NDST1: variants seen among roughly 807,000 people sequenced by gnomAD.
NDST1 encodes the protein N-deacetylase and N-sulfotransferase 1.
A neutral mutation model predicts 92.8 loss-of-function variants in NDST1; 35 were observed. That is an observed-to-expected ratio of 0.38 (90% CI 0.29 to 0.50). The LOEUF is 0.50. NDST1 is among the 20% of genes least tolerant of loss of function. The probability of loss-of-function intolerance (pLI) is 0.94; values close to 1 mark genes in which losing one functional copy is unlikely to be tolerated. For synonymous variants in NDST1, 493 were observed against 500.3 expected (o/e 0.99, Z 0.19); for missense variants, 822 against 1,182.7 (o/e 0.69, Z 4.47).
At chr5:150,533,153 T>G (rs1581386905) in intron 4 of NDST1, 121 bp downstream of exon 4, 4 of 963,252 alleles carry the variant, frequency 4.2e-6, no homozygotes, top group Non-Finnish European at 6.7e-6. Context: ...GAGGCAGAGG[T>G]GACCCCTCTG....
chr5:150,544,389 C>G (rs1215666016), intron 10 of NDST1, among the ~76,000 whole-genome samples: 1 of 152,138 alleles, frequency 6.6e-6, no homozygotes, highest in Non-Finnish European at 1.5e-5. Flanking sequence ...ATATTGTAAA[C>G]AAAGGATTGT....
chr5:150,543,370 C>T (rs1206385220), intron 10 of NDST1, among the ~76,000 whole-genome samples: 1 of 152,162 alleles, frequency 6.6e-6, no homozygotes, highest in Non-Finnish European at 1.5e-5. Flanking sequence ...CCTTCAGGGA[C>T]AGGTCGCTGG....
Position 150,528,021 on chromosome 5 carries a change from G to T in NDST1, c.731G>T (p.Arg244Leu), listed in dbSNP as rs545657188. 3.1e-6 allele frequency: 5 copies of T among 1,613,538 alleles called. No individual in the cohort carries two copies. Among genetic ancestry groups the T allele is most frequent in the Non-Finnish European group, 4.2e-6 (5 of 1,179,774 alleles). ...GAGCCAGTGCTGCTGGCCAAGACGC[G>T]CTCGTCTGAGTCCATCCCACACCTG... ...TYEPVLLAKT[R>L]SSESIPHLGA... The change falls in exon 3 of 15, where the codon CGC becomes CTC. Residue 244 changes from arginine (R) to leucine (L), a missense_variant. By Grantham distance (102) the Arg-to-Leu change is moderately radical. Transcript: ENST00000261797.
chr5:150,548,810 C>T (rs1331594698), intron 12 of NDST1, among the ~76,000 whole-genome samples: 1 of 152,006 alleles, frequency 6.6e-6, no homozygotes, highest in Non-Finnish European at 1.5e-5. Flanking sequence ...GGATTACAGG[C>T]ATGAGCCACT....
chr5:150,499,863 A>G (rs890518080), intron 1 of NDST1, among the ~76,000 whole-genome samples: 1 of 152,086 alleles, frequency 6.6e-6, no homozygotes, highest in Non-Finnish European at 1.5e-5. Context: ...GAGTTTAGGG[A>G]GGGGAGGACT....
chr5:150,524,958 C>T (rs776664626), intron 2 of NDST1, among the ~76,000 whole-genome samples: 70 of 152,232 alleles, frequency 4.6e-4, no homozygotes, highest in Non-Finnish European at 6.3e-4. Flanking sequence ...CTAACCCAGC[C>T]ACAGGAGCAA....
rs1353419451 is a variant in NDST1 at position 150,554,344 on chromosome 5, T to TATATAC, written c.*1017_*1018insCATATA. The TATATAC allele has an allele frequency of 6.2e-6, 1 of 161,010 alleles. No homozygotes were observed. The highest frequency in any genetic ancestry group is 2.5e-5 in the African/African-American group (1 of 40,446). 10.0% of individuals were successfully genotyped at this position (161,010 alleles called of 1,614,324 possible). A position where few individuals can be genotyped will look rare whatever the true frequency, so the allele number is the denominator to read the frequency against. ...CTGGGGTCGCACTGTGTTATATATA[T>TATATAC]ATATATATATATATAATGTGTATAT... On this transcript the variant is annotated 3_prime_UTR_variant, in exon 15 of 15. Coordinates refer to ENST00000261797, the MANE Select transcript of NDST1 (RefSeq NM_001543.5).
chr5:150,545,600 T>G, intron 11 of NDST1, 114 bp downstream of exon 11: 1 of 1,355,414 alleles, frequency 7.4e-7, no homozygotes, highest in Non-Finnish European at 1.0e-6. Flanking sequence ...GTGCCAGCCC[T>G]GAGCCAGGCG....
In NDST1 at chr5:150,554,233, C is replaced by T; in HGVS notation, c.*901C>T. 1 of 397,728 alleles carries T rather than the reference C, an allele frequency of 2.5e-6. No individual in the cohort carries two copies. 24.6% of individuals were successfully genotyped at this position (397,728 alleles called of 1,614,324 possible). A position where few individuals can be genotyped will look rare whatever the true frequency, so the allele number is the denominator to read the frequency against. On this transcript the variant is annotated 3_prime_UTR_variant, in exon 15 of 15. Coordinates refer to ENST00000261797, the MANE Select transcript of NDST1 (RefSeq NM_001543.5). ...CTGTGGCCGAGGGCTCTCAGAGACC[C>T]CCTTAACCTCCCAAATACTAAGAAG...
At chr5:150,518,769 T>A (rs1754103692) in intron 1 of NDST1, 1 of 149,798 alleles carries the variant, frequency 6.7e-6, no homozygotes. Flanking sequence ...CATCATATGC[T>A]TGTATTATAA....
In NDST1 at chr5:150,554,364, GTA is replaced by G. The variant is rs927602216; in HGVS notation, c.*1044_*1045del. On this transcript the variant is annotated 3_prime_UTR_variant, in exon 15 of 15. Transcript: ENST00000261797. ...ATATATATATATATATATATAATGTGTATATATATATATTCTATTTTTTTTGG... is the reference window on the plus strand; with the variant it reads ...ATATATATATATATATATATAATGTGTATATATATATTCTATTTTTTTTGG... The G allele has an allele frequency of 1.7e-4, 26 of 149,946 alleles. No homozygotes were observed. The highest frequency in any genetic ancestry group is 3.0e-4 in the Non-Finnish European group (22 of 74,062). 9.3% of individuals were successfully genotyped at this position (149,946 alleles called of 1,614,324 possible).
intron 1 of NDST1, among the ~76,000 whole-genome samples, chr5:150,520,314 C>T (rs537480630): frequency 1.1e-4 from 14 of 128,620 alleles, no homozygotes; most frequent in African/African-American, 4.2e-4. Flanking sequence ...CCTGGCTTGG[C>T]TTCATTCTGA....
At chr5:150,511,821 G>C (rs147490119) in intron 1 of NDST1, among the ~76,000 whole-genome samples, 7 of 152,254 alleles carry the variant, frequency 4.6e-5, no homozygotes, top group African/African-American at 1.4e-4. Flanking sequence ...AATCACGCTG[G>C]AGAAACTCCC....
chr5:150,529,390 CAA>C (rs11418788), intron 3 of NDST1, among the ~76,000 whole-genome samples: 3,360 of 64,952 alleles, frequency 0.052, 63 homozygotes, highest in African/African-American at 0.19. Context: ...GACCCTGTCT[CAA>C]AAAAAAAAAA....
chr5:150,544,022 C>T (rs1755368280), intron 10 of NDST1, among the ~76,000 whole-genome samples: 1 of 152,220 alleles, frequency 6.6e-6, no homozygotes, highest in African/African-American at 2.4e-5. Context: ...TCGTGATCTG[C>T]CCGCCTCGGC....
chr5:150,500,974 G>A (rs942596791), intron 1 of NDST1, among the ~76,000 whole-genome samples: 1 of 152,202 alleles, frequency 6.6e-6, no homozygotes, highest in Non-Finnish European at 1.5e-5. Context: ...TCATCTGATT[G>A]TCTATGACGA....
chr5:150,500,225 C>G (rs529244529), intron 1 of NDST1, among the ~76,000 whole-genome samples: 1 of 152,348 alleles, frequency 6.6e-6, no homozygotes, highest in East Asian at 1.9e-4. Context: ...TGCCCCCACC[C>G]GCTGCCTCCT....
chr5:150,556,014 G>A lies in NDST1; in HGVS notation c.*2682G>A, dbSNP rs1254409578. On this transcript the variant is annotated 3_prime_UTR_variant, in exon 15 of 15. Coordinates refer to ENST00000261797, the MANE Select transcript of NDST1 (RefSeq NM_001543.5). ...GACTTGCAGGTATGGGGGGTAGAAG[G>A]AGAGGCAGATAAGCTGCCTGGGGGG... The A allele has an allele frequency of 6.6e-6, 1 of 152,356 alleles. No individual in the cohort carries two copies. Among genetic ancestry groups the A allele is most frequent in the Non-Finnish European group, 1.5e-5 (1 of 68,180 alleles). 9.4% of individuals were successfully genotyped at this position (152,356 alleles called of 1,614,324 possible). A position where few individuals can be genotyped will look rare whatever the true frequency, so the allele number is the denominator to read the frequency against.
chr5:150,506,259 G>A (rs1205811656), upstream of NDST1, among the ~76,000 whole-genome samples: 4 of 152,142 alleles, frequency 2.6e-5, no homozygotes, highest in African/African-American at 7.2e-5. Context: ...ATAGGCACAC[G>A]CCACTACGCT....
Sources: gnomAD v4.1 joint callset for allele counts (sites outside exome capture counted in the v4.1 genomes callset) on GRCh38, gnomAD v4.1.1 for gene constraint, MANE v1.5 for transcripts, NCBI Gene and HGNC (gene_info 2026-07-23, HGNC 2026-07-21) for gene names.